The following CSMD1 variants were observed in gnomAD, a reference collection of about 807,000 sequenced individuals.
The protein encoded by CSMD1 is CUB and sushi domain-containing protein 1.
A neutral mutation model predicts 417.5 loss-of-function variants in CSMD1; 213 were observed. That is an observed-to-expected ratio of 0.51 (90% CI 0.46 to 0.57). The LOEUF (loss-of-function observed/expected upper bound fraction) is 0.57. CSMD1 is among the 20% of genes least tolerant of loss of function. The probability of loss-of-function intolerance (pLI) is 0.00; values close to 1 mark genes in which losing one functional copy is unlikely to be tolerated. For missense variants in CSMD1, 6,923 were observed against 4,529.7 expected (o/e 1.53, Z -15.17); for synonymous variants, 2,862 against 1,736.8 (o/e 1.65, Z -16.11).
rs201306128 is a variant in CSMD1, at chr8:4,091,691, CTT to C, written c.416-59594_416-59593del. Among the ~76,000 whole-genome samples the C allele has an allele frequency of 5.3e-5, 8 of 152,266 alleles. No individual in the cohort carries two copies. In the East Asian group the frequency reaches 1.5e-3, roughly 29 times the overall value. On this transcript the variant is annotated intron_variant, in intron 3 of 69. Transcript: ENST00000635120. ...GCTCACTCCCTAAAATCTGTGAAGA[CTT>C]AGGAAAGCTGATAAAGGCACAAGCC...
chr8:4,729,632 G>A (rs778864271), intron 1 of CSMD1, among the ~76,000 whole-genome samples: 4 of 152,154 alleles, frequency 2.6e-5, no homozygotes, highest in Admixed American at 1.3e-4. Context: ...GAGAAAGGGG[G>A]GAATGCAAAC....
chr8:4,456,868 T>A (rs1170820530), intron 2 of CSMD1, among the ~76,000 whole-genome samples: 5 of 151,848 alleles, frequency 3.3e-5, no homozygotes, highest in African/African-American at 1.2e-4. Context: ...CCCTGGGCAC[T>A]GGCTTCAAAG....
intron 5 of CSMD1, among the ~76,000 whole-genome samples, chr8:3,934,031 G>C (rs973923836): frequency 9.2e-5 from 14 of 152,056 alleles, no homozygotes; most frequent in African/African-American, 3.4e-4. Flanking sequence ...ACAATGAGTA[G>C]GAAGCCACTC....
chr8:3,650,490 T>G (rs954724804), intron 7 of CSMD1, among the ~76,000 whole-genome samples: 2 of 152,146 alleles, frequency 1.3e-5, no homozygotes, highest in Non-Finnish European at 2.9e-5. Context: ...TAAGCTTAGC[T>G]GGTGGGACCA....
At chr8:3,988,390 G>A (rs1044769690) in intron 5 of CSMD1, among the ~76,000 whole-genome samples, 7 of 152,160 alleles carry the variant, frequency 4.6e-5, no homozygotes, top group Non-Finnish European at 1.0e-4. Context: ...AAATTATTAT[G>A]AATGATAATT....
rs574779886 is a variant in CSMD1 at position 3,824,885 on chromosome 8, A to C, written c.819-70843T>G. Among the ~76,000 whole-genome samples the C allele has an allele frequency of 9.2e-3, 1,396 of 152,302 alleles. 32 individuals carry two copies. Among genetic ancestry groups the C allele is most frequent in the African/African-American group, 0.031 (1,271 of 41,564 alleles). On this transcript the variant is annotated intron_variant, in intron 5 of 69. Transcript: ENST00000635120. ...AAAACCTGACACAGGCTTTAATAAA[A>C]TGAGAATTGTAAAGATTTCAGCCCT...
rs542592364 is a variant in CSMD1 at position 4,339,039 on chromosome 8, C to T, written c.415+80914G>A. ...TCTGTGAGGCTCAATTGCTGTAGAG[C>T]CTCAAATCTACCGGGAACTATTGCT... On this transcript the variant is annotated intron_variant, in intron 3 of 69. Coordinates refer to ENST00000635120, the MANE Select transcript of CSMD1 (RefSeq NM_033225.6). Among the ~76,000 whole-genome samples, 4 of 152,158 alleles carry T rather than the reference C, an allele frequency of 2.6e-5. No individual in the cohort carries two copies. The South Asian group carries it at 8.3e-4, about 32-fold the overall frequency.
intron 7 of CSMD1, among the ~76,000 whole-genome samples, chr8:3,689,270 C>T (rs1800109221): frequency 6.6e-6 from 1 of 152,146 alleles, no homozygotes; most frequent in South Asian, 2.1e-4. Context: ...GAACTTGCAG[C>T]TGAGCGTCAG....
At chr8:4,970,896 G>A (rs1006172008) in intron 1 of CSMD1, among the ~76,000 whole-genome samples, 1 of 152,184 alleles carries the variant, frequency 6.6e-6, no homozygotes, top group Middle Eastern at 3.4e-3. Context: ...AAGTAACGAA[G>A]TGCTTTTTAT....
Position 4,256,453 on chromosome 8 carries a change from A to G in CSMD1, c.415+163500T>C, listed in dbSNP as rs1803460916. ...TTGTGAAGATTAAAAGAGGTGATAT[A>G]GAGACATGAATTAACCGAGTACTGG... On this transcript the variant is annotated intron_variant, in intron 3 of 69. Transcript: ENST00000635120. Among the ~76,000 whole-genome samples the G allele has an allele frequency of 3.3e-5, 5 of 152,336 alleles. No homozygotes were observed. The South Asian group carries it at 1.0e-3, about 32-fold the overall frequency.
At chr8:4,253,330 C>A (rs1016327680) in intron 3 of CSMD1, among the ~76,000 whole-genome samples, 3 of 152,138 alleles carry the variant, frequency 2.0e-5, no homozygotes, top group African/African-American at 7.2e-5. Context: ...TTTTCCCCTA[C>A]TATAGAACTT....
chr8:3,797,556 T>G (rs1378194168), intron 5 of CSMD1, among the ~76,000 whole-genome samples: 1 of 151,946 alleles, frequency 6.6e-6, no homozygotes, highest in Non-Finnish European at 1.5e-5. Flanking sequence ...GGATTCTGTC[T>G]CACAATATAA....
chr8:4,403,017 G>T (rs889427661), intron 3 of CSMD1, among the ~76,000 whole-genome samples: 8 of 151,364 alleles, frequency 5.3e-5, no homozygotes, highest in South Asian at 2.1e-4. Flanking sequence ...TTTTTTAGTG[G>T]AGACGGGGTT....
intron 1 of CSMD1, among the ~76,000 whole-genome samples, chr8:4,815,595 C>G (rs1407693885): frequency 2.7e-5 from 4 of 148,206 alleles, no homozygotes; most frequent in African/African-American, 1.0e-4. Flanking sequence ...ATTTGGGAGG[C>G]TGAGGCAGGA....
intron 12 of CSMD1, among the ~76,000 whole-genome samples, chr8:3,452,211 T>G (rs2117110835): frequency 6.6e-6 from 1 of 152,322 alleles, no homozygotes; most frequent in Non-Finnish European, 1.5e-5. Flanking sequence ...TTAAGGAGAT[T>G]TTGGGCTGAG....
intron 1 of CSMD1, among the ~76,000 whole-genome samples, chr8:4,763,075 A>C (rs1232113284): frequency 1.3e-5 from 2 of 152,188 alleles, no homozygotes; most frequent in Non-Finnish European, 2.9e-5. Context: ...TCCAGTGTCA[A>C]AAATTGTTGA....
intron 1 of CSMD1, among the ~76,000 whole-genome samples, chr8:4,671,149 G>C (rs144076943): frequency 6.6e-6 from 1 of 152,060 alleles, no homozygotes; most frequent in Non-Finnish European, 1.5e-5. Context: ...CAAATCCTGC[G>C]GCATGATTTA....
rs113354220 is a variant in CSMD1, at chr8:3,186,213, T to C, written c.5620+1656A>G. ...TTAATGAGAGAGGCCTTATCTTGTA[T>C]TCCTAACAACAAACACAGTGTCTGA... On this transcript the variant is annotated intron_variant, in intron 36 of 69. Coordinates refer to ENST00000635120, the MANE Select transcript of CSMD1 (RefSeq NM_033225.6). 3.1e-3 allele frequency among the ~76,000 whole-genome samples: 472 copies of C among 152,314 alleles called. 3 individuals are homozygous for C. Among genetic ancestry groups the C allele is most frequent in the African/African-American group, 0.011 (459 of 41,566 alleles).
At chr8:4,302,002 T>A (rs1254496123) in intron 3 of CSMD1, among the ~76,000 whole-genome samples, 5 of 152,222 alleles carry the variant, frequency 3.3e-5, no homozygotes, top group African/African-American at 1.2e-4. Flanking sequence ...TAGAACAAGT[T>A]AATATGAGTT....
Sources: allele counts gnomAD v4.1 joint callset (sites outside exome capture counted in the v4.1 genomes callset), GRCh38; gene constraint gnomAD v4.1.1; transcripts MANE v1.5; gene names NCBI Gene and HGNC (gene_info 2026-07-23, HGNC 2026-07-21).